CYB5A: variants seen among roughly 807,000 people sequenced by gnomAD.
CYB5A encodes cytochrome b5 type A, also known as cytochrome b5.
A neutral mutation model predicts 16.2 loss-of-function variants in CYB5A; 10 were observed. That is an observed-to-expected ratio of 0.62 (90% CI 0.38 to 1.04). The LOEUF is 1.04. Among genes scored for constraint, CYB5A ranks in the 50% least tolerant of loss-of-function variants. The pLI, the probability that CYB5A is intolerant of heterozygous loss-of-function variation, is 0.01. For missense variants in CYB5A, 161 were observed against 165.9 expected (o/e 0.97, Z 0.16); for synonymous variants, 62 against 57.0 (o/e 1.09, Z -0.40).
chr18:74,275,955 G>A (rs940399260), intron 1 of CYB5A, among the ~76,000 whole-genome samples: 3 of 152,080 alleles, frequency 2.0e-5, no homozygotes, highest in Non-Finnish European at 4.4e-5. Context: ...ACACCAGCGC[G>A]GCACCGGGAT....
In CYB5A at chr18:74,265,158, CTG is replaced by C. The variant is rs374879461; in HGVS notation, c.130-1683_130-1682del. On this transcript the variant is annotated intron_variant, in intron 1 of 4. Coordinates refer to ENST00000340533, the MANE Select transcript of CYB5A (RefSeq NM_148923.4). ...GGTGGATCATTATTCTGATTTGAAA[CTG>C]TTTCTCTTCCTACTTGGTCTAAACA... is the stretch of plus-strand genomic sequence containing the variant. Among the ~76,000 whole-genome samples, 143 of 152,292 alleles carry C rather than the reference CTG, an allele frequency of 9.4e-4. 6 individuals carry two copies. The South Asian group carries it at 0.028, about 30-fold the overall frequency.
Position 74,253,255 on chromosome 18 carries a change from C to A in CYB5A, c.*329G>T. 1 of 332,156 alleles carries A rather than the reference C, an allele frequency of 3.0e-6. No individual in the cohort carries two copies. 20.6% of individuals were successfully genotyped at this position (332,156 alleles called of 1,614,324 possible). A position where few individuals can be genotyped will look rare whatever the true frequency, so the allele number is the denominator to read the frequency against. ...ATCCTCTAAATAACCAGATTCTAAA[C>A]ATTAAAGACAATTATACACCAAACA... On this transcript the variant is annotated 3_prime_UTR_variant, in exon 5 of 5. Coordinates refer to ENST00000340533, the MANE Select transcript of CYB5A (RefSeq NM_148923.4).
chr18:74,252,660 TTCAA>T lies in CYB5A; in HGVS notation c.*920_*923del, dbSNP rs1445000358. The T allele has an allele frequency of 1.3e-5, 2 of 152,208 alleles. No homozygotes were observed. Among genetic ancestry groups the T allele is most frequent in the African/African-American group, 4.8e-5 (2 of 41,456 alleles). The allele number at this position is 152,208 out of a possible 1,614,324, so 9.4% of individuals were successfully genotyped here. On this transcript the variant is annotated 3_prime_UTR_variant, in exon 5 of 5. Coordinates refer to ENST00000340533, the MANE Select transcript of CYB5A (RefSeq NM_148923.4). ...ATGTGTTTTTAAGTTGCTGATGTTT[TTCAA>T]TCAGTGAAGATAAGAAGTCTCTCTT... is the stretch of plus-strand genomic sequence containing the variant.
intron 1 of CYB5A, among the ~76,000 whole-genome samples, chr18:74,269,943 G>A (rs1162771958): frequency 6.6e-6 from 1 of 152,196 alleles, no homozygotes; most frequent in Non-Finnish European, 1.5e-5. Flanking sequence ...TAATGGTGAT[G>A]CAGAGGTAGA....
At position 74,255,663 on chromosome 18, in the gene CYB5A, G is replaced by A. The variant is rs1163577990; in HGVS notation, c.323+78C>T. ...AGTGTCAGGCCCAGGAACCCAGAAG[G>A]TGGGGGACGCACCTTGTCCAACCTG... On this transcript the variant is annotated intron_variant, in intron 4 of 4. Transcript: ENST00000340533. The A allele has an allele frequency of 3.4e-6, 4 of 1,167,814 alleles. No individual in the cohort carries two copies. In the East Asian group the frequency reaches 9.5e-5, roughly 28 times the overall value. The allele number at this position is 1,167,814 out of a possible 1,614,324, so 72.3% of individuals were successfully genotyped here.
rs1981854119 is a variant in CYB5A, at chr18:74,253,668, A to G, written c.324-3T>C. 1 of 1,605,048 alleles carries G rather than the reference A, an allele frequency of 6.2e-7. No homozygotes were observed. Among genetic ancestry groups the G allele is most frequent in the South Asian group, 1.1e-5 (1 of 90,870 alleles). ...GGATCACCCAGTTGGTCCACCAACT[A>G]GAAAGACACAAAAAGCAATGATGCT... is the stretch of plus-strand genomic sequence containing the variant. On this transcript the variant is annotated splice_region_variant and splice_polypyrimidine_tract_variant and intron_variant, in intron 4 of 4. Transcript: ENST00000340533.
Position 74,251,006 on chromosome 18 carries a change from A to G in CYB5A, c.*2578T>C, listed in dbSNP as rs1981758964. ...AACATGGTGAAATCCCGTCTCTACTAAAAATACAAAAAAATTAGCTAGGCA... is the reference window on the plus strand; with the variant it reads ...AACATGGTGAAATCCCGTCTCTACTGAAAATACAAAAAAATTAGCTAGGCA... On this transcript the variant is annotated 3_prime_UTR_variant, in exon 5 of 5. Coordinates refer to ENST00000340533, the MANE Select transcript of CYB5A (RefSeq NM_148923.4). 6.6e-6 allele frequency: 1 copy of G among 151,978 alleles called. No individual in the cohort carries two copies. Among genetic ancestry groups the G allele is most frequent in the Non-Finnish European group, 1.5e-5 (1 of 68,030 alleles). 9.4% of individuals were successfully genotyped at this position (151,978 alleles called of 1,614,324 possible). A position where few individuals can be genotyped will look rare whatever the true frequency, so the allele number is the denominator to read the frequency against.
chr18:74,291,377 G>A (rs892095479), intron 1 of CYB5A, among the ~76,000 whole-genome samples: 6 of 150,892 alleles, frequency 4.0e-5, no homozygotes, highest in Non-Finnish European at 8.9e-5. Context: ...GTACGGATTC[G>A]GGGAGCGCTC....
rs112934460 is a variant in CYB5A at position 74,281,743 on chromosome 18, C to CTGTGTGTGTGTGTGTGTGTGTGTG, written c.129+9980_129+10003dup. 2.9e-3 allele frequency among the ~76,000 whole-genome samples: 405 copies of CTGTGTGTGTGTGTGTGTGTGTGTG among 138,814 alleles called. 6 individuals are homozygous for CTGTGTGTGTGTGTGTGTGTGTGTG. The highest frequency in any genetic ancestry group is 7.1e-3 in the African/African-American group (245 of 34,742). The allele number at this position is 138,814 out of a possible 152,430, so 91.1% of individuals were successfully genotyped here. A position where few individuals can be genotyped will look rare whatever the true frequency, so the allele number is the denominator to read the frequency against. On this transcript the variant is annotated intron_variant, in intron 1 of 4. Coordinates refer to ENST00000340533, the MANE Select transcript of CYB5A (RefSeq NM_148923.4). ...GAGGGGGCAGAAGAGTCAAGGGAGG[C>CTGTGTGTGTGTGTGTGTGTGTGTG]TGTGTGTGTGTGTGTGTGTGTGTGT...
At chr18:74,272,069 C>A (rs994667018) in intron 1 of CYB5A, among the ~76,000 whole-genome samples, 2 of 152,196 alleles carry the variant, frequency 1.3e-5, no homozygotes, top group African/African-American at 4.8e-5. Flanking sequence ...TTTCTTCAAG[C>A]CTCCTTGCTT....
At chr18:74,287,056 C>T (rs1983348111) in intron 1 of CYB5A, among the ~76,000 whole-genome samples, 1 of 152,124 alleles carries the variant, frequency 6.6e-6, no homozygotes, top group African/African-American at 2.4e-5. Flanking sequence ...CCCAGGTGGC[C>T]TTCTAAGATG....
At chr18:74,265,831 C>T (rs1982413189) in intron 1 of CYB5A, among the ~76,000 whole-genome samples, 1 of 152,218 alleles carries the variant, frequency 6.6e-6, no homozygotes, top group African/African-American at 2.4e-5. Flanking sequence ...AGTGAGAAGT[C>T]ACTCACTACT....
chr18:74,280,946 T>A (rs1426334255), intron 1 of CYB5A, among the ~76,000 whole-genome samples: 1 of 152,160 alleles, frequency 6.6e-6, no homozygotes, highest in Non-Finnish European at 1.5e-5. Context: ...ACTGACCCCA[T>A]CTGACTTTAA....
chr18:74,291,224 G>A (rs2848934), intron 1 of CYB5A, among the ~76,000 whole-genome samples: 6,068 of 152,322 alleles, frequency 0.04, 403 homozygotes, highest in African/African-American at 0.14. Context: ...GGTCCTGGAA[G>A]GACACCCTTC....
chr18:74,272,875 T>G (rs886572100), intron 1 of CYB5A, among the ~76,000 whole-genome samples: 4 of 152,140 alleles, frequency 2.6e-5, no homozygotes, highest in African/African-American at 9.7e-5. Context: ...TGAGCTGAGA[T>G]CACGCCACTG....
In CYB5A at chr18:74,251,536, A is replaced by AGGTT. The variant is rs1247265415; in HGVS notation, c.*2044_*2047dup. 6.6e-6 allele frequency: 1 copy of AGGTT among 152,160 alleles called. No individual in the cohort carries two copies. The allele number at this position is 152,160 out of a possible 1,614,324, so 9.4% of individuals were successfully genotyped here. A position where few individuals can be genotyped will look rare whatever the true frequency, so the allele number is the denominator to read the frequency against. On this transcript the variant is annotated 3_prime_UTR_variant, in exon 5 of 5. Coordinates refer to ENST00000340533, the MANE Select transcript of CYB5A (RefSeq NM_148923.4). ...GGCTTGACTGAGTAGAATGGGAGGCAGGTTGGCCCTAAGCAGTTTCCAGCT... is the reference window on the plus strand; with the variant it reads ...GGCTTGACTGAGTAGAATGGGAGGCAGGTTGGTTGGCCCTAAGCAGTTTCCAGCT...
intron 1 of CYB5A, among the ~76,000 whole-genome samples, chr18:74,274,338 A>G (rs1982785110): frequency 6.6e-6 from 1 of 152,260 alleles, no homozygotes; most frequent in African/African-American, 2.4e-5. Context: ...GAGATTCCAC[A>G]GTATAAAGGA....
At chr18:74,283,155 C>G (rs980578392) in intron 1 of CYB5A, among the ~76,000 whole-genome samples, 1 of 152,138 alleles carries the variant, frequency 6.6e-6, no homozygotes, top group African/African-American at 2.4e-5. Flanking sequence ...CAACCAACCT[C>G]GTGGCACATG....
chr18:74,254,273 T>C (rs926773177), intron 4 of CYB5A, among the ~76,000 whole-genome samples: 8 of 152,150 alleles, frequency 5.3e-5, no homozygotes, highest in Non-Finnish European at 8.8e-5. Flanking sequence ...AACACTGCCA[T>C]TAACACCACA....
Sources: allele counts gnomAD v4.1 joint callset (sites outside exome capture counted in the v4.1 genomes callset), GRCh38; gene constraint gnomAD v4.1.1; transcripts MANE v1.5; gene names NCBI Gene and HGNC (gene_info 2026-07-23, HGNC 2026-07-21).